The following ADPRHL1 variants were observed in gnomAD, a reference collection of about 807,000 sequenced individuals.
ADPRHL1 encodes the protein inactive ADP-ribosyltransferase ARH2.
Under a neutral mutation model 44.1 loss-of-function variants are expected in ADPRHL1, and 43 were observed. That is an observed-to-expected ratio of 0.98 (90% CI 0.76 to 1.26). The LOEUF (loss-of-function observed/expected upper bound fraction) is 1.26. Ranked by LOEUF, ADPRHL1 falls within the 50% of genes most tolerant of loss-of-function variation. The pLI is 0.00. For missense variants in ADPRHL1, 2,022 were observed against 2,496.9 expected (o/e 0.81, Z 4.05); for synonymous variants, 878 against 1,017.4 (o/e 0.86, Z 2.61).
chr13:113,446,226 G>T (rs59449271), intron 1 of ADPRHL1, among the ~76,000 whole-genome samples: 45,282 of 144,600 alleles, frequency 0.31, 7,978 homozygotes, highest in African/African-American at 0.51. Flanking sequence ...CCTAGAGAGC[G>T]CTCAGGGCCC....
At chr13:113,427,175 G>T (rs1444209643) in intron 4 of ADPRHL1, among the ~76,000 whole-genome samples, 1 of 152,220 alleles carries the variant, frequency 6.6e-6, no homozygotes, top group East Asian at 1.9e-4. Context: ...AGGGGAGGAG[G>T]TTTTGCTGGT....
At position 113,417,958 on chromosome 13, in the gene ADPRHL1, A is replaced by G. The variant is rs567238417; in HGVS notation, c.1061+4868T>C. 4.6e-5 allele frequency among the ~76,000 whole-genome samples: 7 copies of G among 152,282 alleles called. No individual in the cohort carries two copies. The East Asian group carries it at 1.4e-3, about 29-fold the overall frequency. On this transcript the variant is annotated intron_variant, in intron 7 of 7. Transcript: ENST00000612156. ...GGTATTACCAATTTTATCAGCTGAT[A>G]TTTTATTAATTTTTATACCCACAGC...
chr13:113,422,382 T>G (rs1264393561), intron 7 of ADPRHL1: 18 of 119,220 alleles, frequency 1.5e-4, no homozygotes, highest in South Asian at 2.6e-4. Flanking sequence ...TGGGGGGAGG[T>G]GCATTGGCCC....
intron 7 of ADPRHL1, among the ~76,000 whole-genome samples, chr13:113,410,558 A>G (rs1405098156): frequency 1.3e-5 from 2 of 152,218 alleles, no homozygotes; most frequent in African/African-American, 4.8e-5. Flanking sequence ...AAACTAATCC[A>G]AGGAGCAGCT....
intron 3 of ADPRHL1, among the ~76,000 whole-genome samples, chr13:113,430,727 T>TGGCAGTGGC (rs1236921275): frequency 7.6e-6 from 1 of 132,066 alleles, no homozygotes; most frequent in Non-Finnish European, 1.7e-5. Context: ...GTGGCGGGGG[T>TGGCAGTGGC]GGCAGTGGCA....
At position 113,406,535 on chromosome 13, in the gene ADPRHL1, G is replaced by A. The variant is rs543773299; in HGVS notation, c.2747C>T (p.Ser916Leu). The A allele has an allele frequency of 1.5e-5, 18 of 1,232,042 alleles. No homozygotes were observed. The South Asian group carries it at 3.7e-4, about 25-fold the overall frequency. 76.3% of individuals were successfully genotyped at this position (1,232,042 alleles called of 1,614,324 possible). A position where few individuals can be genotyped will look rare whatever the true frequency, so the allele number is the denominator to read the frequency against. The change falls in exon 8 of 8, where the codon TCG becomes TTG. Residue 916 changes from serine to leucine, a missense_variant. Physicochemically the swap from Ser to Leu is moderately radical, Grantham distance 145 (BLOSUM62 -2). Transcript: ENST00000612156. The part of the protein sequence containing the change: ...SGMQAGLSAS[S>L]PQGPRAAPRL... ...CGGAGCTGCCCGTGGCCCCTGCGGC[G>A]AAGAGGCGCTGAGTCCCGCCTGCAT... is the stretch of plus-strand genomic sequence containing the variant.
intron 7 of ADPRHL1, among the ~76,000 whole-genome samples, chr13:113,419,999 G>C (rs908220039): frequency 6.6e-6 from 1 of 152,060 alleles, no homozygotes; most frequent in African/African-American, 2.4e-5. Flanking sequence ...AGCTCGGGGG[G>C]TGTGTGAGGA....
At chr13:113,425,219 C>A in intron 4 of ADPRHL1, 40 bp from the exon 5 acceptor site, 1 of 1,330,810 alleles carries the variant, frequency 7.5e-7, no homozygotes, top group Admixed American at 2.1e-5. Flanking sequence ...ACAATGGCAT[C>A]CATGGAGTGG....
intron 7 of ADPRHL1, among the ~76,000 whole-genome samples, chr13:113,416,291 C>T (rs570148613): frequency 5.9e-5 from 9 of 152,166 alleles, no homozygotes; most frequent in Admixed American, 2.0e-4. Context: ...ACCCCAAGGC[C>T]TTGACCTGAA....
intron 5 of ADPRHL1, among the ~76,000 whole-genome samples, chr13:113,424,782 A>C (rs1444281736): frequency 2.8e-5 from 1 of 35,324 alleles, no homozygotes; most frequent in Non-Finnish European, 6.1e-5. Flanking sequence ...CTACCCAACC[A>C]CCCATCCATA....
intron 2 of ADPRHL1, among the ~76,000 whole-genome samples, chr13:113,435,443 G>C (rs1356544956): frequency 3.5e-4 from 41 of 118,634 alleles, no homozygotes; most frequent in South Asian, 6.0e-4. Flanking sequence ...CCAGCACCCA[G>C]GTGTAGAGTG....
chr13:113,432,511 T>A (rs72666949), intron 3 of ADPRHL1, among the ~76,000 whole-genome samples: 2 of 152,196 alleles, frequency 1.3e-5, no homozygotes, highest in African/African-American at 4.8e-5. Context: ...ACTGCTCCCT[T>A]CTCAGCATCT....
At chr13:113,417,616 G>C (rs2043893334) in intron 7 of ADPRHL1, among the ~76,000 whole-genome samples, 4 of 152,236 alleles carry the variant, frequency 2.6e-5, no homozygotes, top group Admixed American at 2.0e-4. Flanking sequence ...GCCGCTGCTC[G>C]GGGTGTGGCA....
At chr13:113,429,559 CTG>C (rs2043992608) in intron 3 of ADPRHL1, among the ~76,000 whole-genome samples, 1 of 152,270 alleles carries the variant, frequency 6.6e-6, no homozygotes, top group South Asian at 2.1e-4. Context: ...TGCCCGTCAT[CTG>C]TGTGTGGATG....
intron 7 of ADPRHL1, among the ~76,000 whole-genome samples, chr13:113,415,274 G>C (rs1051535032): frequency 6.6e-6 from 1 of 152,188 alleles, no homozygotes; most frequent in Admixed American, 6.5e-5. Context: ...AGAAACGCCT[G>C]CCCGCGATGT....
intron 7 of ADPRHL1, among the ~76,000 whole-genome samples, chr13:113,418,977 T>C: frequency 1.6e-5 from 2 of 126,292 alleles, no homozygotes; most frequent in African/African-American, 6.1e-5. Flanking sequence ...TGCCCTCTTT[T>C]CCTTCCCTCC....
chr13:113,430,889 C>T (rs910130121), intron 3 of ADPRHL1, among the ~76,000 whole-genome samples: 2 of 152,188 alleles, frequency 1.3e-5, no homozygotes. Flanking sequence ...GCAGTGACCC[C>T]CGTTGCCGAG....
At chr13:113,429,183 G>T (rs116393557) in intron 3 of ADPRHL1, 91 bp from the exon 4 acceptor site, 3 of 1,506,028 alleles carry the variant, frequency 2.0e-6, no homozygotes, top group Non-Finnish European at 2.7e-6. Flanking sequence ...GACTCCCGAG[G>T]AAGGGTTTGC....
At chr13:113,448,465 C>CAAAAAAA (rs61278696) in intron 1 of ADPRHL1, among the ~76,000 whole-genome samples, 1,327 of 39,694 alleles carry the variant, frequency 0.033, 200 homozygotes, top group African/African-American at 0.1. Context: ...GACTATGTCC[C>CAAAAAAA]AAAAAAAAAA....
Sources: gnomAD v4.1 joint callset for allele counts (sites outside exome capture counted in the v4.1 genomes callset) on GRCh38, gnomAD v4.1.1 for gene constraint, MANE v1.5 for transcripts, NCBI Gene and HGNC (gene_info 2026-07-23, HGNC 2026-07-21) for gene names.